NCKAP5: variants seen among roughly 807,000 people sequenced by gnomAD.
NCKAP5 encodes nck-associated protein 5.
A neutral mutation model predicts 167.0 loss-of-function variants in NCKAP5; 92 were observed. That is an observed-to-expected ratio of 0.55 (90% CI 0.47 to 0.66). The LOEUF (loss-of-function observed/expected upper bound fraction) is 0.66. Ranked by LOEUF, NCKAP5 falls within the 30% of genes least tolerant of loss-of-function variation. The probability of loss-of-function intolerance (pLI) is 0.00; values close to 1 mark genes in which losing one functional copy is unlikely to be tolerated. For missense variants in NCKAP5, 2,378 were observed against 2,315.0 expected (o/e 1.03, Z -0.56); for synonymous variants, 891 against 877.4 (o/e 1.02, Z -0.27).
At chr2:133,636,796 A>G in the NCKAP5 span, among the ~76,000 whole-genome samples, 12 of 152,318 alleles carry the variant, frequency 7.9e-5, no homozygotes, top group African/African-American at 2.9e-4. Context: ...CAGGACACGA[A>G]GCCTCCACAA....
chr2:133,056,013 C>G (rs2079786082), intron 6 of NCKAP5, among the ~76,000 whole-genome samples: 1 of 152,192 alleles, frequency 6.6e-6, no homozygotes, highest in Non-Finnish European at 1.5e-5. Flanking sequence ...ACACACTTAT[C>G]CCTGTGCCAA....
chr2:132,826,627 G>A (rs1254938704), intron 11 of NCKAP5, among the ~76,000 whole-genome samples: 1 of 152,142 alleles, frequency 6.6e-6, no homozygotes, highest in Non-Finnish European at 1.5e-5. Context: ...AGACTTTCAT[G>A]TTTAATAGAA....
chr2:133,310,766 G>A (rs1292746116), intron 3 of NCKAP5, among the ~76,000 whole-genome samples: 2 of 152,206 alleles, frequency 1.3e-5, no homozygotes, highest in Non-Finnish European at 2.9e-5. Context: ...TTAAGTAAGT[G>A]AAAGAGTGAA....
intron 5 of NCKAP5, among the ~76,000 whole-genome samples, chr2:133,210,935 CA>C (rs2086184975): frequency 1.3e-5 from 2 of 152,094 alleles, no homozygotes; most frequent in Non-Finnish European, 2.9e-5. Context: ...TCCCATCTCT[CA>C]AAGCATGAGT....
chr2:133,511,118 A>G (rs1033294969), intron 3 of NCKAP5, among the ~76,000 whole-genome samples: 3 of 152,094 alleles, frequency 2.0e-5, no homozygotes, highest in African/African-American at 4.8e-5. Context: ...TGCCATCCTC[A>G]TTGCTGACAT....
chr2:132,968,667 G>C (rs2149224862), intron 7 of NCKAP5, among the ~76,000 whole-genome samples: 1 of 152,312 alleles, frequency 6.6e-6, no homozygotes, highest in South Asian at 2.1e-4. Context: ...GTAATAAGAA[G>C]GTTGTTAGTG....
chr2:133,619,255 T>A, the NCKAP5 span, among the ~76,000 whole-genome samples: 354 of 142,038 alleles, frequency 2.5e-3, no homozygotes, highest in Middle Eastern at 7.0e-3. Flanking sequence ...TGTATACATA[T>A]GTAACTAACC....
rs571505163 is a variant in NCKAP5, at chr2:133,556,797, G to A, written c.-62+2253C>T. 6 of 152,248 alleles carry A rather than the reference G, an allele frequency of 3.9e-5. No individual in the cohort carries two copies. In the South Asian group the frequency reaches 8.3e-4, roughly 21 times the overall value. The allele number at this position is 152,248 out of a possible 1,614,324, so 9.4% of individuals were successfully genotyped here. On this transcript the variant is annotated intron_variant, in intron 2 of 19. Transcript: ENST00000409261. ...TGCCTTGATTTATGACAGACGTTTG[G>A]GTATGGAGAGATGGAGACTACTATT...
chr2:133,425,419 T>C (rs912353403), intron 3 of NCKAP5, among the ~76,000 whole-genome samples: 1 of 151,538 alleles, frequency 6.6e-6, no homozygotes, highest in African/African-American at 2.4e-5. Context: ...ATCAGGGGGG[T>C]AGTCAGCTTA....
chr2:132,780,161 T>C (rs1682898307), intron 15 of NCKAP5, among the ~76,000 whole-genome samples: 1 of 152,240 alleles, frequency 6.6e-6, no homozygotes, highest in Admixed American at 6.5e-5. Flanking sequence ...ATTTTTTATT[T>C]ATTTTTTTGA....
At chr2:132,792,219 G>C (rs978296749) in intron 12 of NCKAP5, among the ~76,000 whole-genome samples, 1 of 152,150 alleles carries the variant, frequency 6.6e-6, no homozygotes, top group African/African-American at 2.4e-5. Context: ...ATCTAAAAAT[G>C]CCAAGAAATT....
At chr2:133,307,435 C>T (rs1477985323) in intron 3 of NCKAP5, among the ~76,000 whole-genome samples, 1 of 152,020 alleles carries the variant, frequency 6.6e-6, no homozygotes, top group African/African-American at 2.4e-5. Flanking sequence ...ATCAAAAGGA[C>T]TCATCACTTT....
intron 7 of NCKAP5, among the ~76,000 whole-genome samples, chr2:132,977,374 G>C (rs1053373447): frequency 1.3e-5 from 2 of 152,134 alleles, no homozygotes; most frequent in African/African-American, 4.8e-5. Flanking sequence ...GAAGATAAAA[G>C]CACCACTAAA....
chr2:132,718,609 C>A (rs751935600), intron 19 of NCKAP5, among the ~76,000 whole-genome samples: 14 of 152,152 alleles, frequency 9.2e-5, no homozygotes, highest in Non-Finnish European at 1.6e-4. Context: ...CAAATGGATT[C>A]ATCATTTTTC....
chr2:133,336,097 C>T (rs1310160700), intron 3 of NCKAP5, among the ~76,000 whole-genome samples: 1 of 152,056 alleles, frequency 6.6e-6, no homozygotes, highest in Non-Finnish European at 1.5e-5. Flanking sequence ...GGTGGAAAAT[C>T]ACACCTTCTG....
the NCKAP5 span, among the ~76,000 whole-genome samples, chr2:133,647,535 AGGAG>A: frequency 3.5e-4 from 38 of 107,692 alleles, no homozygotes; most frequent in African/African-American, 6.1e-4. Flanking sequence ...AGGAAAGGAA[AGGAG>A]GGAGGGAGGG....
chr2:133,333,895 G>C (rs1487769712), intron 3 of NCKAP5: 1 of 152,154 alleles, frequency 6.6e-6, no homozygotes, highest in African/African-American at 2.4e-5. Context: ...CCTGTGCAAG[G>C]ATGACACCCA....
intron 4 of NCKAP5, among the ~76,000 whole-genome samples, chr2:133,232,727 C>T (rs2087209847): frequency 6.6e-6 from 1 of 152,112 alleles, no homozygotes; most frequent in Non-Finnish European, 1.5e-5. Context: ...TAAAGGCAAG[C>T]AAGAAAAACA....
chr2:133,542,191 C>T (rs1039056058), intron 2 of NCKAP5, among the ~76,000 whole-genome samples: 2 of 152,172 alleles, frequency 1.3e-5, no homozygotes, highest in African/African-American at 4.8e-5. Context: ...CAGTCACGAA[C>T]ATGACGAATG....
Sources: gnomAD v4.1 joint callset for allele counts (sites outside exome capture counted in the v4.1 genomes callset) on GRCh38, gnomAD v4.1.1 for gene constraint, MANE v1.5 for transcripts, NCBI Gene and HGNC (gene_info 2026-07-23, HGNC 2026-07-21) for gene names.